The following GPR158 variants were observed in gnomAD, a reference collection of about 807,000 sequenced individuals.
GPR158 encodes the protein G protein-coupled receptor 158.
GPR158 carries 30 observed loss-of-function variants against 78.2 expected under a neutral mutation model. The observed-to-expected ratio is 0.38, with a 90% CI of 0.29 to 0.52. The LOEUF (loss-of-function observed/expected upper bound fraction) is 0.52. Ranked by LOEUF, GPR158 falls within the 20% of genes least tolerant of loss-of-function variation. The pLI is 0.83. For missense variants in GPR158, 1,463 were observed against 1,523.5 expected (o/e 0.96, Z 0.66); for synonymous variants, 581 against 591.1 (o/e 0.98, Z 0.25).
chr10:25,422,750 G>T (rs77910442), intron 4 of GPR158, among the ~76,000 whole-genome samples: 1 of 151,562 alleles, frequency 6.6e-6, no homozygotes, highest in Non-Finnish European at 1.5e-5. Flanking sequence ...GTGGTGTTGG[G>T]TTACACGAAT....
intron 4 of GPR158, among the ~76,000 whole-genome samples, chr10:25,443,274 G>A (rs1045618853): frequency 1.3e-5 from 2 of 152,068 alleles, no homozygotes; most frequent in Non-Finnish European, 2.9e-5. Context: ...TTTTTGTGAG[G>A]CTGGTTGTAG....
intron 2 of GPR158, among the ~76,000 whole-genome samples, chr10:25,349,647 A>T (rs1420004135): frequency 6.8e-6 from 1 of 146,820 alleles, no homozygotes; most frequent in Admixed American, 6.7e-5. Flanking sequence ...AAGTTTCCTG[A>T]GGCCTCCCAA....
chr10:25,288,304 A>T (rs1854382148), intron 2 of GPR158, among the ~76,000 whole-genome samples: 2 of 152,172 alleles, frequency 1.3e-5, no homozygotes, highest in South Asian at 4.1e-4. Context: ...GTGATTAATC[A>T]GGGTACTTCA....
chr10:25,545,819 T>G (rs1212879044), intron 5 of GPR158, among the ~76,000 whole-genome samples: 1 of 152,180 alleles, frequency 6.6e-6, no homozygotes. Context: ...CATCATGTAC[T>G]GATTATCTCC....
At position 25,290,377 on chromosome 10, in the gene GPR158, C is replaced by T. The variant is rs574794442; in HGVS notation, c.1008+69220C>T. Reference sequence around the variant, plus strand: ...TTAGTATTTAAGAAGAAAAGTATCCCGAAAATCTGTTAATGACATATGTAA... The same window carrying T: ...TTAGTATTTAAGAAGAAAAGTATCCTGAAAATCTGTTAATGACATATGTAA... On this transcript the variant is annotated intron_variant, in intron 2 of 10. Coordinates refer to ENST00000376351, the MANE Select transcript of GPR158 (RefSeq NM_020752.3). Among the ~76,000 whole-genome samples the T allele has an allele frequency of 1.1e-4, 16 of 152,016 alleles. No individual in the cohort carries two copies. In the South Asian group the frequency reaches 1.5e-3, roughly 14 times the overall value.
chr10:25,514,315 G>C (rs970189327), intron 5 of GPR158, among the ~76,000 whole-genome samples: 4 of 152,054 alleles, frequency 2.6e-5, no homozygotes, highest in African/African-American at 9.7e-5. Flanking sequence ...AGAAATAAGA[G>C]TAGTTACTCC....
At chr10:25,344,926 T>C (rs1449535360) in intron 2 of GPR158, among the ~76,000 whole-genome samples, 2 of 151,988 alleles carry the variant, frequency 1.3e-5, no homozygotes, top group Non-Finnish European at 1.5e-5. Flanking sequence ...TATCTTCAAA[T>C]GGTGGAGGAA....
intron 2 of GPR158, among the ~76,000 whole-genome samples, chr10:25,235,658 T>G (rs1853511874): frequency 6.6e-6 from 1 of 151,376 alleles, no homozygotes; most frequent in Non-Finnish European, 1.5e-5. Context: ...ATGAGGACAG[T>G]TTTTTTTAGC....
In GPR158 at chr10:25,175,990, CT is replaced by C; in HGVS notation, c.572del (p.Phe191SerfsTer114). On this transcript the variant is annotated frameshift_variant, in exon 1 of 11. Coordinates refer to ENST00000376351, the MANE Select transcript of GPR158 (RefSeq NM_020752.3). LOFTEE classifies it high-confidence loss of function. This position sits in a 1 kb window ranked among gnomAD's most constrained non-coding sequence, Gnocchi z 6.4. ...DSLSAPAPQV[F>X]LQATREESRI... Reference sequence around the variant, plus strand: ...CGCTGTCCGCACCGGCCCCACAGGTCTTCCTCCAGGCCACGCGCGAGGAGAG... The same window carrying C: ...CGCTGTCCGCACCGGCCCCACAGGTCTCCTCCAGGCCACGCGCGAGGAGAG... 1 of 1,613,302 alleles carries C rather than the reference CT, an allele frequency of 6.2e-7. No individual in the cohort carries two copies. The highest frequency in any genetic ancestry group is 8.5e-7 in the Non-Finnish European group (1 of 1,179,920).
At chr10:25,448,713 C>T (rs71495460) in intron 4 of GPR158, among the ~76,000 whole-genome samples, 8,783 of 152,186 alleles carry the variant, frequency 0.058, 524 homozygotes, top group African/African-American at 0.15. Flanking sequence ...GTGGTTGTAC[C>T]ATTTTAAATT....
intron 2 of GPR158, among the ~76,000 whole-genome samples, chr10:25,362,526 G>T (rs1379265454): frequency 6.6e-6 from 1 of 151,844 alleles, no homozygotes; most frequent in Non-Finnish European, 1.5e-5. Flanking sequence ...TTGAATACAA[G>T]ATTGTTTTGT....
In GPR158 at chr10:25,289,009, AG is replaced by A. The variant is rs369395841; in HGVS notation, c.1008+67855del. ...GTTACATACACATAGTAGCATGTAG[AG>A]GGACAGAAGTCAGAAAACTTGAATT... On this transcript the variant is annotated intron_variant, in intron 2 of 10. Transcript: ENST00000376351. Among the ~76,000 whole-genome samples the A allele has an allele frequency of 1.3e-3, 202 of 152,304 alleles. 1 individual carries two copies. In the South Asian group the frequency reaches 0.018, roughly 14 times the overall value.
intron 2 of GPR158, among the ~76,000 whole-genome samples, chr10:25,292,372 C>G (rs1367708414): frequency 6.6e-6 from 1 of 152,018 alleles, no homozygotes; most frequent in Non-Finnish European, 1.5e-5. Context: ...GCTGGTTGCT[C>G]CTTTTCTCTT....
intron 2 of GPR158, among the ~76,000 whole-genome samples, chr10:25,298,543 T>C (rs1353003459): frequency 6.6e-6 from 1 of 152,184 alleles, no homozygotes; most frequent in Non-Finnish European, 1.5e-5. Context: ...ACAAGTTTGT[T>C]CTCTTAAGCA....
At chr10:25,189,353 T>G (rs1203184490) in intron 1 of GPR158, among the ~76,000 whole-genome samples, 1 of 152,194 alleles carries the variant, frequency 6.6e-6, no homozygotes, top group East Asian at 1.9e-4. Context: ...ATTGCAGCAC[T>G]ATTCACAATA....
intron 2 of GPR158, among the ~76,000 whole-genome samples, chr10:25,334,239 C>A (rs1180266425): frequency 6.6e-6 from 1 of 151,608 alleles, no homozygotes; most frequent in East Asian, 1.9e-4. Flanking sequence ...ACAATAAAAC[C>A]CCAAAAGTTA....
Position 25,571,507 on chromosome 10 carries a change from A to G in GPR158, c.1515-1142A>G, listed in dbSNP as rs146843271. 3.2e-4 allele frequency among the ~76,000 whole-genome samples: 49 copies of G among 152,312 alleles called. 2 individuals are homozygous for G. Among genetic ancestry groups the G allele is most frequent in the African/African-American group, 1.2e-3 (48 of 41,588 alleles). On this transcript the variant is annotated intron_variant, in intron 6 of 10. Coordinates refer to ENST00000376351, the MANE Select transcript of GPR158 (RefSeq NM_020752.3). ...TAAAATTATTCAAAGAATGAAGTGAAGGAGAGAATAGAACATTGAGAAAAT... is the reference window on the plus strand; with the variant it reads ...TAAAATTATTCAAAGAATGAAGTGAGGGAGAGAATAGAACATTGAGAAAAT...
At chr10:25,303,473 G>C (rs7918109) in intron 2 of GPR158, among the ~76,000 whole-genome samples, 30,820 of 152,062 alleles carry the variant, frequency 0.2, 5,275 homozygotes, top group African/African-American at 0.47. Context: ...TGTGATTATC[G>C]AATTTGTAGA....
intron 3 of GPR158, among the ~76,000 whole-genome samples, chr10:25,397,368 G>A (rs186211736): frequency 6.6e-6 from 1 of 152,196 alleles, no homozygotes; most frequent in South Asian, 2.1e-4. Flanking sequence ...AGTGGTAACA[G>A]GGGTGGTTTC....
Sources: allele counts gnomAD v4.1 joint callset (sites outside exome capture counted in the v4.1 genomes callset), GRCh38; gene constraint gnomAD v4.1.1; non-coding constraint Gnocchi (gnomAD v3.1); transcripts MANE v1.5; gene names NCBI Gene and HGNC (gene_info 2026-07-23, HGNC 2026-07-21).